The following CPE variants were observed in gnomAD, a reference collection of about 807,000 sequenced individuals.
CPE encodes the protein carboxypeptidase E.
CPE carries 17 observed loss-of-function variants against 53.5 expected under a neutral mutation model. The observed-to-expected ratio is 0.32, with a 90% CI of 0.22 to 0.48. The LOEUF (loss-of-function observed/expected upper bound fraction) is 0.48, where lower values mean the gene tolerates loss of function less well. Among genes scored for constraint, CPE ranks in the 20% least tolerant of loss-of-function variants. CPE has a pLI of 0.99. For missense variants in CPE, 524 were observed against 614.7 expected (o/e 0.85, Z 1.56); for synonymous variants, 226 against 228.8 (o/e 0.99, Z 0.11).
chr4:165,422,901 C>T (rs61600897), intron 1 of CPE, among the ~76,000 whole-genome samples: 43,787 of 146,358 alleles, frequency 0.3, 6,515 homozygotes, highest in Middle Eastern at 0.4. Context: ...GGCGTGAACT[C>T]GGGAGGCGGA....
At chr4:165,412,049 C>A (rs1731050347) in intron 1 of CPE, among the ~76,000 whole-genome samples, 1 of 152,162 alleles carries the variant, frequency 6.6e-6, no homozygotes, top group African/African-American at 2.4e-5. Context: ...ACTGGAACAG[C>A]CTCTGTCTAC....
Position 165,423,016 on chromosome 4 carries a change from C to A in CPE, c.308-41374C>A, listed in dbSNP as rs190816392. Among the ~76,000 whole-genome samples, 79 of 148,618 alleles carry A rather than the reference C, an allele frequency of 5.3e-4. No homozygotes were observed. In the East Asian group the frequency reaches 0.014, roughly 27 times the overall value. On this transcript the variant is annotated intron_variant, in intron 1 of 8. Transcript: ENST00000402744. ...AAAAAAAGATATACACTGGGTTGGT[C>A]CAGAATGGAGGGACAACTCGAAGAA...
intron 3 of CPE, among the ~76,000 whole-genome samples, chr4:165,475,312 T>C (rs1452924928): frequency 6.6e-6 from 1 of 152,116 alleles, no homozygotes; most frequent in Non-Finnish European, 1.5e-5. Flanking sequence ...AAGTATACAA[T>C]AAATCATAAG....
At chr4:165,479,569 A>G (rs570144608) in intron 3 of CPE, among the ~76,000 whole-genome samples, 1 of 152,324 alleles carries the variant, frequency 6.6e-6, no homozygotes, top group South Asian at 2.1e-4. Context: ...AGAAAAGATC[A>G]ATAGGTTTGA....
Position 165,442,632 on chromosome 4 carries a change from G to C in CPE, c.308-21758G>C, listed in dbSNP as rs569708870. The stretch of plus-strand genomic sequence containing the variant: ...AAAATTAAGAATAAATAAAAATCCA[G>C]TTCCTCAGTTGCACTAGCCACATTT... On this transcript the variant is annotated intron_variant, in intron 1 of 8. Coordinates refer to ENST00000402744, the MANE Select transcript of CPE (RefSeq NM_001873.4). 1.6e-4 allele frequency among the ~76,000 whole-genome samples: 24 copies of C among 152,226 alleles called. No individual in the cohort carries two copies. In the East Asian group the frequency reaches 4.2e-3, roughly 27 times the overall value.
chr4:165,467,903 A>C, intron 3 of CPE, 48 bp downstream of exon 3: 1 of 1,567,710 alleles, frequency 6.4e-7, no homozygotes, highest in Non-Finnish European at 8.7e-7. Context: ...AGCCTAAGGA[A>C]ATATGTTCCA....
chr4:165,396,548 G>A (rs571675637), intron 1 of CPE, among the ~76,000 whole-genome samples: 1 of 151,980 alleles, frequency 6.6e-6, no homozygotes, highest in Non-Finnish European at 1.5e-5. Context: ...GCATATGCCT[G>A]TAATCCCAGC....
chr4:165,453,902 T>G (rs1731856015), intron 1 of CPE, among the ~76,000 whole-genome samples: 1 of 152,142 alleles, frequency 6.6e-6, no homozygotes. Flanking sequence ...AAAAATAATG[T>G]CAGAGTTTCA....
chr4:165,405,404 T>C (rs1429879368), intron 1 of CPE: 1 of 977,180 alleles, frequency 1.0e-6, no homozygotes, highest in African/African-American at 1.6e-5. Flanking sequence ...TTCAGAGAGA[T>C]AACCAGCATC....
chr4:165,429,481 T>C (rs1731373720), intron 1 of CPE, among the ~76,000 whole-genome samples: 1 of 152,102 alleles, frequency 6.6e-6, no homozygotes, highest in Non-Finnish European at 1.5e-5. Context: ...CACGAGTAGA[T>C]TGCTTGAGCC....
At chr4:165,396,805 C>A (rs1365623470) in intron 1 of CPE, among the ~76,000 whole-genome samples, 1 of 150,814 alleles carries the variant, frequency 6.6e-6, no homozygotes, top group Non-Finnish European at 1.5e-5. Flanking sequence ...TGAGGCAGGA[C>A]AATCACTTGA....
intron 1 of CPE, among the ~76,000 whole-genome samples, chr4:165,390,536 G>T (rs987924310): frequency 1.1e-4 from 17 of 152,148 alleles, no homozygotes; most frequent in Non-Finnish European, 2.5e-4. Context: ...TGCATAGGAA[G>T]AATTCTATAA....
chr4:165,489,148 T>G (rs900156126), intron 6 of CPE, among the ~76,000 whole-genome samples: 10 of 152,218 alleles, frequency 6.6e-5, no homozygotes, highest in Non-Finnish European at 1.3e-4. Flanking sequence ...GAGCCGTATT[T>G]GGATGGATCT....
intron 1 of CPE, among the ~76,000 whole-genome samples, chr4:165,462,238 T>TAA (rs1159984590): frequency 6.6e-6 from 1 of 152,194 alleles, no homozygotes; most frequent in African/African-American, 2.4e-5. Context: ...TCCCAAAGCA[T>TAA]TCACATTCGA....
chr4:165,497,880 TA>T lies in CPE; in HGVS notation c.*273del, dbSNP rs1477518989. 1.0e-5 allele frequency: 2 copies of T among 193,314 alleles called. No homozygotes were observed. The highest frequency in any genetic ancestry group is 2.1e-5 in the Non-Finnish European group (2 of 95,996). The allele number at this position is 193,314 out of a possible 1,614,324, so 12.0% of individuals were successfully genotyped here. ...TTAAGTAATTTTGCCATCCTAGGCT[TA>T]AATGCAATATTCCTGGTATTATTTA... On this transcript the variant is annotated 3_prime_UTR_variant, in exon 9 of 9. Coordinates refer to ENST00000402744, the MANE Select transcript of CPE (RefSeq NM_001873.4).
chr4:165,380,185 C>T (rs1235297012), intron 1 of CPE, among the ~76,000 whole-genome samples: 4 of 152,102 alleles, frequency 2.6e-5, no homozygotes, highest in African/African-American at 9.7e-5. Context: ...TATAAAGATA[C>T]GTTGGTGCCC....
rs896963496 is a variant in CPE, at chr4:165,379,284, G to C, written c.63G>C (p.Trp21Cys). 2 of 1,479,482 alleles carry C rather than the reference G, an allele frequency of 1.4e-6. No individual in the cohort carries two copies. The highest frequency in any genetic ancestry group is 1.8e-6 in the Non-Finnish European group (2 of 1,125,632). 91.6% of individuals were successfully genotyped at this position (1,479,482 alleles called of 1,614,324 possible). A position where few individuals can be genotyped will look rare whatever the true frequency, so the allele number is the denominator to read the frequency against. ...ALCGALAACG[W>C]LLGAEAQEPG... is the part of the protein sequence containing the mutation. ...GCGGGGCACTGGCTGCCTGCGGGTG[G>C]CTCCTGGGCGCCGAAGCCCAGGAGC... The change falls in exon 1 of 9, where the codon TGG (tryptophan) becomes TGC (cysteine). Residue 21 changes from tryptophan (W) to cysteine (C), a missense_variant. Trp to Cys is a radical substitution (Grantham distance 215). Coordinates refer to ENST00000402744, the MANE Select transcript of CPE (RefSeq NM_001873.4). The surrounding 1 kb of genome is among the most constrained non-coding windows in gnomAD (Gnocchi z 6.0).
chr4:165,484,701 C>A, intron 5 of CPE, 97 bp downstream of exon 5: 1 of 1,135,862 alleles, frequency 8.8e-7, no homozygotes, highest in Non-Finnish European at 1.2e-6. Flanking sequence ...AATCTTCAAT[C>A]GTCCTCCATC....
rs756680010 is a variant in CPE, at chr4:165,487,513, C to G, written c.1049C>G (p.Pro350Arg). The G allele has an allele frequency of 7.4e-6, 12 of 1,614,078 alleles. No homozygotes were observed. The South Asian group carries it at 9.9e-5, about 13-fold the overall frequency. ...TVELSCEKFP[P>R]EETLKTYWED... is the part of the protein sequence containing the mutation. ...GAGCTTAGCTGTGAGAAGTTCCCAC[C>G]TGAAGAGACTCTGAAGACCTACTGG... Residue 350 changes from proline to arginine, a missense_variant, in exon 6 of 9, where the codon CCT (proline) becomes CGT (arginine). Physicochemically the swap from Pro to Arg is moderately radical, Grantham distance 103. Transcript: ENST00000402744.
Sources: gnomAD v4.1 joint callset for allele counts (sites outside exome capture counted in the v4.1 genomes callset) on GRCh38, gnomAD v4.1.1 for gene constraint, Gnocchi (gnomAD v3.1) non-coding constraint, MANE v1.5 for transcripts, NCBI Gene and HGNC (gene_info 2026-07-23, HGNC 2026-07-21) for gene names.